ARHGAP4: variants seen among roughly 807,000 people sequenced by gnomAD.
The protein encoded by ARHGAP4 is Rho GTPase activating protein 4.
In ARHGAP4, 25 loss-of-function variants were observed where a neutral mutation model predicts 67.6. That is an observed-to-expected ratio of 0.37 (90% CI 0.27 to 0.52). The LOEUF (loss-of-function observed/expected upper bound fraction) is 0.52. ARHGAP4 is among the 20% of genes least tolerant of loss of function. ARHGAP4 has a pLI of 0.92. For missense variants in ARHGAP4, 804 were observed against 854.6 expected, an observed-to-expected ratio of 0.94 and a Z score of 0.74; for synonymous variants, 448 against 373.7, an observed-to-expected ratio of 1.20 and a Z score of -2.29.
At chrX:153,922,520 A>C in intron 1 of ARHGAP4, 1 of 605,170 alleles carries the variant, frequency 1.7e-6, no homozygotes, top group Non-Finnish European at 2.0e-6. Context: ...AGGGCCCCAT[A>C]CTGCCGGCCT....
At chrX:153,908,437 C>T (rs2064988415) in intron 21 of ARHGAP4, among the ~76,000 whole-genome samples, 1 of 112,303 alleles carries the variant, frequency 8.9e-6, no homozygotes, top group Non-Finnish European at 1.9e-5. Flanking sequence ...CTCTCTCCTC[C>T]TTGGGCTTAG....
rs1557105384 is a variant in ARHGAP4 at position 153,921,654 on chromosome X, A to T, written c.223T>A (p.Ser75Thr). ...CTCCCCAGGCGGCCTCCACGGCTGG[A>T]GAAGCGCTCGGCCAGCTTTTCCAGG... ...RGLEKLAERF[S>T]SRGGRLGSSR... Residue 75 changes from serine to threonine, a missense_variant, in exon 2 of 22, where the codon TCC (serine) becomes ACC (threonine). Coordinates refer to ENST00000350060, the MANE Select transcript of ARHGAP4 (RefSeq NM_001666.5). The T allele has an allele frequency of 8.3e-7, 1 of 1,209,342 alleles. No individual in the cohort carries two copies. The highest frequency in any genetic ancestry group is 1.1e-6 in the Non-Finnish European group (1 of 894,748).
At chrX:153,910,855 C>T (rs1195332923) in intron 14 of ARHGAP4, 21 bp from the exon 15 acceptor site, 4 of 1,188,138 alleles carry the variant, frequency 3.4e-6, no homozygotes, top group Non-Finnish European at 3.4e-6. Flanking sequence ...GCGAGTGGTG[C>T]GGTAGGGGGA....
At chrX:153,914,115 G>A (rs1239258709) in intron 7 of ARHGAP4, 41 of 411,482 alleles carry the variant, frequency 1.0e-4, no homozygotes, top group South Asian at 7.4e-4. Context: ...TAAACTCAGC[G>A]CGGTCTACCC....
Position 153,919,686 on chromosome X carries a change from G to T in ARHGAP4, c.682-403C>A. ...GCCACAGGCCTCTGCGGGGGCCAGA[G>T]CTGAGGGGGAACGAGTACCCCAAAG... On this transcript the variant is annotated intron_variant, in intron 5 of 21. Coordinates refer to ENST00000350060, the MANE Select transcript of ARHGAP4 (RefSeq NM_001666.5). 23 of 1,153,502 alleles carry T rather than the reference G, an allele frequency of 2.0e-5. No individual in the cohort carries two copies. The highest frequency in any genetic ancestry group is 2.7e-5 in the Non-Finnish European group (23 of 866,084).
At position 153,920,666 on chromosome X, in the gene ARHGAP4, C is replaced by T. The variant is rs781940941; in HGVS notation, c.641G>A (p.Arg214His). 7 of 1,210,257 alleles carry T rather than the reference C, an allele frequency of 5.8e-6. No individual in the cohort carries two copies. The highest frequency in any genetic ancestry group is 2.4e-4 in the Middle Eastern group (1 of 4,194). The change falls in exon 5 of 22, where the codon CGC becomes CAC. Residue 214 changes from arginine (R) to histidine (H), a missense_variant. Coordinates refer to ENST00000350060, the MANE Select transcript of ARHGAP4 (RefSeq NM_001666.5). ...TAGATEAGPL[R>H]KSSLKKGGRL... is the part of the protein sequence containing the mutation. Reference sequence around the variant, plus strand: ...CCCTCCCTTCTTGAGGGAGCTCTTGCGGAGGGGCCCTGCCTCAGTGGCACC... The same window carrying T: ...CCCTCCCTTCTTGAGGGAGCTCTTGTGGAGGGGCCCTGCCTCAGTGGCACC...
chrX:153,919,580 G>A, intron 5 of ARHGAP4: 1 of 1,162,263 alleles, frequency 8.6e-7, no homozygotes, highest in Admixed American at 2.6e-5. Context: ...ATGAGTGGAA[G>A]GTGCGCACAT....
rs781847138 is a variant in ARHGAP4 at position 153,912,696 on chromosome X, G to C, written c.1542+4C>G. On this transcript the variant is annotated splice_donor_region_variant and intron_variant, in intron 12 of 21. Transcript: ENST00000350060. ...TGGGCTGGCATGTGGGGCAAAGCTA[G>C]TACCTGGATAAACTTCTCCATGTCT... The C allele has an allele frequency of 1.7e-6, 2 of 1,200,440 alleles. No individual in the cohort carries two copies. Among genetic ancestry groups the C allele is most frequent in the Non-Finnish European group, 2.3e-6 (2 of 887,113 alleles).
chrX:153,912,745 C>A lies in ARHGAP4; in HGVS notation c.1497G>T (p.Gln499His), dbSNP rs1379817974. 3 of 1,210,492 alleles carry A rather than the reference C, an allele frequency of 2.5e-6. No homozygotes were observed. The highest frequency in any genetic ancestry group is 3.4e-6 in the Non-Finnish European group (3 of 895,141). ...CTCCCCCAAAGAGTCTCTGGTTATA[C>A]TGGGAGCTGGGGCGGGGCTGGCGGC... is the stretch of plus-strand genomic sequence containing the variant. The part of the protein sequence containing the change: ...QKSRQPRPSS[Q>H]YNQRLFGGDM... Residue 499 changes from glutamine (Q) to histidine (H), a missense_variant, in exon 12 of 22, where the codon CAG (glutamine) becomes CAT (histidine). Around this residue, in one of 2 missense-constraint regions of ARHGAP4, gnomAD observed 404 missense variants for 505.9 expected, o/e 0.80. Transcript: ENST00000350060.
At chrX:153,925,738 C>G (rs1478449916) in intron 1 of ARHGAP4, among the ~76,000 whole-genome samples, 3 of 111,973 alleles carry the variant, frequency 2.7e-5, no homozygotes, top group African/African-American at 9.8e-5. Context: ...CACCAATCCA[C>G]TCACCCGGAC....
At chrX:153,914,418 C>T (rs1385583831) in intron 7 of ARHGAP4, among the ~76,000 whole-genome samples, 6 of 112,702 alleles carry the variant, frequency 5.3e-5, no homozygotes, top group East Asian at 2.8e-4. Context: ...AATGGTGGCC[C>T]GGCGCAGTGG....
intron 7 of ARHGAP4, among the ~76,000 whole-genome samples, chrX:153,916,100 G>A (rs1488150128): frequency 1.8e-5 from 2 of 112,371 alleles, no homozygotes; most frequent in East Asian, 2.8e-4. Flanking sequence ...ACCACTCTGC[G>A]ATCACGCATG....
chrX:153,910,204 T>C lies in ARHGAP4; in HGVS notation c.2123A>G (p.Lys708Arg), dbSNP rs782497976. 3 of 1,211,151 alleles carry C rather than the reference T, an allele frequency of 2.5e-6. No individual in the cohort carries two copies. Among genetic ancestry groups the C allele is most frequent in the South Asian group, 3.5e-5 (2 of 56,996 alleles). Residue 708 changes from lysine (K) to arginine (R), a missense_variant, in exon 17 of 22, where the codon AAG (lysine) becomes AGG (arginine). Transcript: ENST00000350060. The part of the protein sequence containing the change: ...LTSLPGPVYE[K>R]CMAPPSASCL... ...GCTGGCGGAAGGCGGTGCCATGCAC[T>C]TCTCGTAGACGGGGCCAGGCAGCGA...
intron 5 of ARHGAP4, chrX:153,919,560 C>T (rs781791246): frequency 1.7e-6 from 2 of 1,154,961 alleles, no homozygotes; most frequent in Non-Finnish European, 2.3e-6. Flanking sequence ...GAACTATTCA[C>T]AGATACCTGA....
At chrX:153,917,682 T>C (rs1557104418) in intron 7 of ARHGAP4, among the ~76,000 whole-genome samples, 1 of 111,612 alleles carries the variant, frequency 9.0e-6, no homozygotes, top group African/African-American at 3.3e-5. Flanking sequence ...GAAGGTTGCA[T>C]CTGCAGTGAG....
intron 5 of ARHGAP4, 49 bp from the exon 6 acceptor site, chrX:153,919,332 C>T: frequency 8.3e-7 from 1 of 1,210,865 alleles, no homozygotes; most frequent in Non-Finnish European, 1.1e-6. Context: ...TGGCCAGCCC[C>T]TATCTCTAGC....
At chrX:153,918,402 G>A (rs782794745) in intron 7 of ARHGAP4, among the ~76,000 whole-genome samples, 2 of 112,230 alleles carry the variant, frequency 1.8e-5, no homozygotes, top group Non-Finnish European at 1.9e-5. Flanking sequence ...CGGACTCTTC[G>A]TAAAGTTCCA....
intron 5 of ARHGAP4, chrX:153,919,491 A>T (rs868966391): frequency 6.3e-6 from 7 of 1,117,482 alleles, no homozygotes; most frequent in Non-Finnish European, 8.3e-6. Flanking sequence ...CCGGCTGTTC[A>T]CCCGCCACTT....
intron 1 of ARHGAP4, among the ~76,000 whole-genome samples, chrX:153,924,982 AG>A (rs1264022630): frequency 1.8e-5 from 2 of 112,199 alleles, no homozygotes; most frequent in African/African-American, 6.5e-5. Flanking sequence ...AGAGCAAGTG[AG>A]GAACCCTTAG....
Sources: gnomAD v4.1 joint callset for allele counts (sites outside exome capture counted in the v4.1 genomes callset) on GRCh38, gnomAD v4.1.1 for gene constraint, gnomAD v4.1.1 regional missense constraint, MANE v1.5 for transcripts, NCBI Gene and HGNC (gene_info 2026-07-23, HGNC 2026-07-21) for gene names.